HSPBAP1: variants seen among roughly 807,000 people sequenced by gnomAD.
HSPBAP1 encodes HSPB1-associated protein 1.
HSPBAP1 carries 27 observed loss-of-function variants against 45.2 expected under a neutral mutation model. That is an observed-to-expected ratio of 0.60 (90% CI 0.44 to 0.82). The LOEUF (loss-of-function observed/expected upper bound fraction) is 0.82. Among genes scored for constraint, HSPBAP1 ranks in the 40% least tolerant of loss-of-function variants. HSPBAP1 has a pLI of 0.00. For missense variants in HSPBAP1, 510 were observed against 590.9 expected, an observed-to-expected ratio of 0.86 and a Z score of 1.42; for synonymous variants, 204 against 202.7, an observed-to-expected ratio of 1.01 and a Z score of -0.06.
chr3:122,758,389 G>GT (rs1490918393), intron 4 of HSPBAP1, among the ~76,000 whole-genome samples: 1 of 152,098 alleles, frequency 6.6e-6, no homozygotes, highest in Non-Finnish European at 1.5e-5. Context: ...CTGACCTAAG[G>GT]TAACAATACA....
chr3:122,752,919 G>A, intron 5 of HSPBAP1: 2 of 1,185,242 alleles, frequency 1.7e-6, no homozygotes, highest in Non-Finnish European at 1.0e-6. Context: ...TTTAATCCTG[G>A]GCCTTCTTTG....
At chr3:122,741,707 A>G (rs1374023160) in intron 6 of HSPBAP1, 2 of 152,402 alleles carry the variant, frequency 1.3e-5, no homozygotes, top group Middle Eastern at 3.4e-3. Context: ...AATAATCTAC[A>G]CATATCAATA....
At chr3:122,755,018 C>T in intron 5 of HSPBAP1, 1 of 1,178,474 alleles carries the variant, frequency 8.5e-7, no homozygotes, top group Non-Finnish European at 1.0e-6. Flanking sequence ...AGTCCATTCT[C>T]CTCTTTACCA....
intron 1 of HSPBAP1, among the ~76,000 whole-genome samples, chr3:122,782,115 T>C (rs1413211202): frequency 2.0e-5 from 3 of 152,212 alleles, no homozygotes; most frequent in African/African-American, 7.2e-5. Flanking sequence ...TACTACTTCC[T>C]AAGTAGAGGA....
At chr3:122,741,846 C>A (rs980901752) in intron 6 of HSPBAP1, 16 of 152,180 alleles carry the variant, frequency 1.1e-4, no homozygotes, top group African/African-American at 3.1e-4. Flanking sequence ...ATTGAGAAAT[C>A]CATGAAATTG....
intron 6 of HSPBAP1, among the ~76,000 whole-genome samples, chr3:122,747,237 T>G (rs555125572): frequency 6.7e-6 from 1 of 149,622 alleles, no homozygotes; most frequent in Non-Finnish European, 1.5e-5. Flanking sequence ...CCATCCCATC[T>G]AGGAAGTGAG....
At chr3:122,787,466 A>G (rs1292678426) in intron 1 of HSPBAP1, among the ~76,000 whole-genome samples, 1 of 152,208 alleles carries the variant, frequency 6.6e-6, no homozygotes, top group African/African-American at 2.4e-5. Context: ...TATAACAAAA[A>G]TCTTGAAATT....
rs987885854 is a variant in HSPBAP1, at chr3:122,784,413, A to T, written c.65-6507T>A. Reference sequence around the variant, plus strand: ...CACACACACAAATGTCTACTACCACACTATAACAACAAAAAATGTAAACAA... The same window carrying T: ...CACACACACAAATGTCTACTACCACTCTATAACAACAAAAAATGTAAACAA... On this transcript the variant is annotated intron_variant, in intron 1 of 7. Transcript: ENST00000306103. Among the ~76,000 whole-genome samples, 5 of 152,198 alleles carry T rather than the reference A, an allele frequency of 3.3e-5. No homozygotes were observed. The South Asian group carries it at 1.0e-3, about 32-fold the overall frequency.
At chr3:122,742,248 G>C (rs796397766) in intron 6 of HSPBAP1, among the ~76,000 whole-genome samples, 5 of 151,550 alleles carry the variant, frequency 3.3e-5, no homozygotes, top group African/African-American at 1.2e-4. Flanking sequence ...TAAATTATGG[G>C]CTACCTTAAC....
At chr3:122,752,873 T>C in intron 5 of HSPBAP1, 199 bp from the exon 6 acceptor site, 1 of 1,341,312 alleles carries the variant, frequency 7.5e-7, no homozygotes, top group Admixed American at 3.6e-5. Flanking sequence ...CAAGTTCACA[T>C]GTTCTACAAA....
intron 3 of HSPBAP1, among the ~76,000 whole-genome samples, chr3:122,762,771 C>T (rs1396965668): frequency 6.6e-6 from 1 of 152,022 alleles, no homozygotes; most frequent in Non-Finnish European, 1.5e-5. Context: ...ATTATTGAAA[C>T]TTGTTTTATG....
chr3:122,745,068 C>T (rs145151270), intron 6 of HSPBAP1, among the ~76,000 whole-genome samples: 732 of 152,038 alleles, frequency 4.8e-3, no homozygotes, highest in Non-Finnish European at 6.5e-3. Context: ...ACAACTCAGC[C>T]GCAAATCTAG....
chr3:122,758,443 A>T (rs1934435334), intron 4 of HSPBAP1, among the ~76,000 whole-genome samples: 2 of 152,190 alleles, frequency 1.3e-5, no homozygotes, highest in Admixed American at 6.5e-5. Context: ...TAGAGTTGAA[A>T]GCGTCCAGTA....
chr3:122,754,241 A>C (rs1412548477), intron 5 of HSPBAP1: 1 of 152,774 alleles, frequency 6.5e-6, no homozygotes, highest in Non-Finnish European at 1.5e-5. Context: ...AATGTCCATC[A>C]ACTGATGAAC....
At chr3:122,790,436 T>C (rs1194204629) in intron 1 of HSPBAP1, among the ~76,000 whole-genome samples, 1 of 152,196 alleles carries the variant, frequency 6.6e-6, no homozygotes, top group Non-Finnish European at 1.5e-5. Flanking sequence ...ACCCAATTTC[T>C]ATTAGTTCCT....
intron 1 of HSPBAP1, among the ~76,000 whole-genome samples, chr3:122,778,752 G>T (rs1560157243): frequency 6.6e-6 from 1 of 151,930 alleles, no homozygotes; most frequent in Non-Finnish European, 1.5e-5. Flanking sequence ...AAATGGTCTC[G>T]ATCTCCTGAC....
chr3:122,742,569 C>T (rs6438760), intron 6 of HSPBAP1, among the ~76,000 whole-genome samples: 24,649 of 152,034 alleles, frequency 0.16, 2,033 homozygotes, highest in African/African-American at 0.19. Context: ...TAGACAATAG[C>T]ACCCAGTTGT....
chr3:122,760,557 T>A (rs1251542870), intron 3 of HSPBAP1, among the ~76,000 whole-genome samples: 1 of 151,980 alleles, frequency 6.6e-6, no homozygotes, highest in Admixed American at 6.6e-5. Context: ...TTTTTTTTCA[T>A]TTTTGCTTTG....
chr3:122,792,120 T>C (rs1935849299), intron 1 of HSPBAP1, among the ~76,000 whole-genome samples: 1 of 152,124 alleles, frequency 6.6e-6, no homozygotes, highest in Non-Finnish European at 1.5e-5. Flanking sequence ...GTTTGGGAAT[T>C]TGTCATTGGA....
Sources: allele counts gnomAD v4.1 joint callset (sites outside exome capture counted in the v4.1 genomes callset), GRCh38; gene constraint gnomAD v4.1.1; transcripts MANE v1.5; gene names NCBI Gene and HGNC (gene_info 2026-07-23, HGNC 2026-07-21).